The following KMT5B variants were observed in gnomAD, a reference collection of about 807,000 sequenced individuals.
KMT5B encodes histone-lysine N-methyltransferase KMT5B.
In KMT5B, 10 loss-of-function variants were observed where a neutral mutation model predicts 83.2. The observed-to-expected ratio is 0.12, with a 90% CI of 0.07 to 0.20. The LOEUF is 0.20. Ranked by LOEUF, KMT5B falls within the 10% of genes least tolerant of loss-of-function variation. The pLI is 1.00. For missense variants in KMT5B, 753 were observed against 1,067.2 expected, an observed-to-expected ratio of 0.71 and a Z score of 4.10; for synonymous variants, 349 against 388.8, an observed-to-expected ratio of 0.90 and a Z score of 1.20.
At chr11:68,175,861 C>T (rs1330021759) in intron 4 of KMT5B, among the ~76,000 whole-genome samples, 2 of 151,192 alleles carry the variant, frequency 1.3e-5, no homozygotes, top group Non-Finnish European at 1.5e-5. Context: ...AGTGTTAACT[C>T]TAGTGGTGAA....
chr11:68,194,661 T>C (rs1858498390), intron 1 of KMT5B, among the ~76,000 whole-genome samples: 1 of 152,220 alleles, frequency 6.6e-6, no homozygotes, highest in Admixed American at 6.5e-5. Flanking sequence ...AATCCGTGAC[T>C]ACATTCCATT....
At chr11:68,189,826 G>T (rs1463258729) in intron 2 of KMT5B, 91 bp downstream of exon 2, 2 of 1,298,424 alleles carry the variant, frequency 1.5e-6, no homozygotes, top group Non-Finnish European at 2.1e-6. Flanking sequence ...AATTATTTAA[G>T]ACAAAAGAAA....
At chr11:68,175,991 T>A (rs1856335800) in intron 4 of KMT5B, among the ~76,000 whole-genome samples, 1 of 142,938 alleles carries the variant, frequency 7.0e-6, no homozygotes, top group South Asian at 2.5e-4. Flanking sequence ...CTTGGCTCAC[T>A]GCAACCTCTG....
intron 1 of KMT5B, among the ~76,000 whole-genome samples, chr11:68,190,783 G>A (rs955482849): frequency 2.0e-5 from 3 of 152,176 alleles, no homozygotes; most frequent in African/African-American, 7.2e-5. Context: ...CAGAAGTTGA[G>A]ACCAGCCTGG....
intron 1 of KMT5B, among the ~76,000 whole-genome samples, chr11:68,200,328 CTG>C (rs1468468036): frequency 6.6e-6 from 1 of 152,168 alleles, no homozygotes. Flanking sequence ...AGGGACCACT[CTG>C]TGGAGGGAGT....
In KMT5B at chr11:68,155,393, C is replaced by G. The variant is rs1859220850; in HGVS notation, c.*2295G>C. ...CTACCAAATGTCACTGCTTTGAGAC[C>G]CATGGGAAGGTTGGCCTCCAAAGAG... is the stretch of plus-strand genomic sequence containing the variant. On this transcript the variant is annotated 3_prime_UTR_variant, in exon 11 of 11. Transcript: ENST00000304363. 1 of 152,060 alleles carries G rather than the reference C, an allele frequency of 6.6e-6. No homozygotes were observed. The highest frequency in any genetic ancestry group is 2.4e-5 in the African/African-American group (1 of 41,384). The allele number at this position is 152,060 out of a possible 1,614,324, so 9.4% of individuals were successfully genotyped here. A position where few individuals can be genotyped will look rare whatever the true frequency, so the allele number is the denominator to read the frequency against.
chr11:68,204,639 A>G (rs1859860450), intron 1 of KMT5B, among the ~76,000 whole-genome samples: 1 of 116,102 alleles, frequency 8.6e-6, no homozygotes, highest in South Asian at 2.7e-4. Context: ...TTTTTTTGAC[A>G]CAGAGTCTCA....
upstream of KMT5B, chr11:68,213,381 C>A (rs1033445482): frequency 2.0e-5 from 3 of 147,030 alleles, no homozygotes; most frequent in South Asian, 1.8e-4. Flanking sequence ...CGCCCCCAAC[C>A]GGCCGCCGCC....
At chr11:68,173,656 A>T in intron 6 of KMT5B, 148 bp downstream of exon 6, 1 of 575,264 alleles carries the variant, frequency 1.7e-6, no homozygotes, top group Non-Finnish European at 3.0e-6. Flanking sequence ...CTCTGACTCC[A>T]GCTGATGGGC....
chr11:68,158,477 A>G lies in KMT5B; in HGVS notation c.1869T>C (p.Phe623=). 1 of 1,614,050 alleles carries G rather than the reference A, an allele frequency of 6.2e-7. No individual in the cohort carries two copies. The highest frequency in any genetic ancestry group is 8.5e-7 in the Non-Finnish European group (1 of 1,180,004). ...CTGGAGTAGATTCCTCTATTTTTGC[A>G]AACTGTTTCACAAGTTTTCCTTGTC... ...KSRQGKLVKQ[F]AKIEESTPVH... The change falls in exon 11 of 11, where the codon TTT becomes TTC. Residue 623 remains phenylalanine, a synonymous_variant. Coordinates refer to ENST00000304363, the MANE Select transcript of KMT5B (RefSeq NM_017635.5).
intron 1 of KMT5B, among the ~76,000 whole-genome samples, chr11:68,201,150 C>T (rs1256704945): frequency 2.0e-5 from 3 of 152,184 alleles, no homozygotes; most frequent in African/African-American, 7.2e-5. Context: ...AATCATAACA[C>T]GATGCCACTA....
rs1439544192 is a variant in KMT5B at position 68,157,956 on chromosome 11, T to C, written c.2390A>G (p.Glu797Gly). ...AGGATCACTGCAGCACACCCCATTT[T>C]CATGAAGCCCCTCTGTATAAGACCC... is the stretch of plus-strand genomic sequence containing the variant. ...NRGSYTEGLH[E>G]NGVCCSDPLS... The change falls in exon 11 of 11, where the codon GAA becomes GGA. Residue 797 changes from glutamate (E) to glycine (G), a missense_variant. This residue lies in a region of KMT5B where 161 missense variants were observed against 195.1 expected (regional missense o/e 0.83). Coordinates refer to ENST00000304363, the MANE Select transcript of KMT5B (RefSeq NM_017635.5). The C allele has an allele frequency of 6.2e-7, 1 of 1,614,190 alleles. No homozygotes were observed.
intron 9 of KMT5B, among the ~76,000 whole-genome samples, chr11:68,167,875 A>G (rs1045995054): frequency 1.3e-5 from 2 of 152,134 alleles, no homozygotes; most frequent in Non-Finnish European, 2.9e-5. Flanking sequence ...GTACTCCTTA[A>G]ATTTTACCAA....
intron 1 of KMT5B, among the ~76,000 whole-genome samples, chr11:68,211,484 C>T (rs959601359): frequency 6.6e-6 from 1 of 152,198 alleles, no homozygotes; most frequent in African/African-American, 2.4e-5. Flanking sequence ...TTGTAAACAA[C>T]ATTAAAGTGG....
chr11:68,174,237 AAAGT>A, intron 5 of KMT5B: 1 of 408,300 alleles, frequency 2.4e-6, no homozygotes, highest in South Asian at 1.9e-5. Context: ...ATAAACAAAA[AAAGT>A]AAGATCATTA....
chr11:68,185,915 C>T lies in KMT5B; in HGVS notation c.174G>A (p.Ser58=), dbSNP rs966823289. The change falls in exon 3 of 11, where the codon TCG becomes TCA. Residue 58 remains serine (S), a synonymous_variant. Coordinates refer to ENST00000304363, the MANE Select transcript of KMT5B (RefSeq NM_017635.5). ...ERRSNRCNGN[S]GFEGQSRYVP... ...CATAGCGACTCTGTCCTTCAAATCC[C>T]GAGTTACCATTACCTGTGAAAAGCA... 4 of 1,593,814 alleles carry T rather than the reference C, an allele frequency of 2.5e-6. No individual in the cohort carries two copies. The highest frequency in any genetic ancestry group is 2.7e-5 in the African/African-American group (2 of 74,286).
chr11:68,162,054 C>T (rs1854914924), intron 10 of KMT5B, among the ~76,000 whole-genome samples: 1 of 152,210 alleles, frequency 6.6e-6, no homozygotes, highest in Admixed American at 6.5e-5. Flanking sequence ...TTGACTCCTG[C>T]TCTCCTGAAC....
chr11:68,166,959 C>T (rs1160799390), intron 10 of KMT5B, 23 bp downstream of exon 10: 1 of 1,610,626 alleles, frequency 6.2e-7, no homozygotes. Flanking sequence ...AAAAGATATG[C>T]TTATCAAATC....
chr11:68,188,215 G>A (rs1043005760), intron 2 of KMT5B, among the ~76,000 whole-genome samples: 7 of 151,454 alleles, frequency 4.6e-5, no homozygotes, highest in Non-Finnish European at 8.8e-5. Context: ...TAGTAGAGGC[G>A]GGGTTTGACC....
Sources: gnomAD v4.1 joint callset for allele counts (sites outside exome capture counted in the v4.1 genomes callset) on GRCh38, gnomAD v4.1.1 for gene constraint, gnomAD v4.1.1 regional missense constraint, MANE v1.5 for transcripts, NCBI Gene and HGNC (gene_info 2026-07-23, HGNC 2026-07-21) for gene names.